Variants in HGF observed in about 807,000 individuals in gnomAD.
The protein encoded by HGF is hepatocyte growth factor.
Under a neutral mutation model 111.6 loss-of-function variants are expected in HGF, and 39 were observed. That is an observed-to-expected ratio of 0.35 (90% CI 0.27 to 0.46). The LOEUF (loss-of-function observed/expected upper bound fraction) is 0.46, where lower values mean the gene tolerates loss of function less well. Ranked by LOEUF, HGF falls within the 20% of genes least tolerant of loss-of-function variation. The pLI is 1.00. For synonymous variants in HGF, 285 were observed against 294.8 expected, an observed-to-expected ratio of 0.97 and a Z score of 0.34; for missense variants, 735 against 910.5, an observed-to-expected ratio of 0.81 and a Z score of 2.48.
At chr7:81,757,338 T>G (rs1484919249) in intron 3 of HGF, 35 bp from the exon 4 acceptor site, 2 of 1,104,408 alleles carry the variant, frequency 1.8e-6, no homozygotes, top group Non-Finnish European at 2.8e-6. Flanking sequence ...ATTGCAACTA[T>G]GCAAAACATA....
At chr7:81,703,618 G>A (rs1789345336) in intron 17 of HGF, among the ~76,000 whole-genome samples, 1 of 150,952 alleles carries the variant, frequency 6.6e-6, no homozygotes, top group East Asian at 1.9e-4. Context: ...AATGCACATA[G>A]TGTTATATGT....
intron 9 of HGF, among the ~76,000 whole-genome samples, chr7:81,722,416 C>T (rs939289964): frequency 1.3e-5 from 2 of 151,676 alleles, no homozygotes; most frequent in African/African-American, 2.4e-5. Context: ...CCGCCCGCCT[C>T]GGACTTCCAA....
chr7:81,732,786 A>C (rs1027602836), intron 7 of HGF, among the ~76,000 whole-genome samples: 1 of 152,200 alleles, frequency 6.6e-6, no homozygotes, highest in East Asian at 1.9e-4. Context: ...AAGGCTAAAC[A>C]TATTCCTAAT....
rs1789250088 is a variant in HGF, at chr7:81,700,395, T to C, written c.*2186A>G. 6.6e-6 allele frequency: 1 copy of C among 151,648 alleles called. No individual in the cohort carries two copies. Among genetic ancestry groups the C allele is most frequent in the Non-Finnish European group, 1.5e-5 (1 of 67,698 alleles). The allele number at this position is 151,648 out of a possible 1,614,324, so 9.4% of individuals were successfully genotyped here. On this transcript the variant is annotated 3_prime_UTR_variant, in exon 18 of 18. Transcript: ENST00000222390. ...TTGATGATTTATTGGTGGTATTGTTTTTAGCCTTTAATAAAATGAAAAATA... is the reference window on the plus strand; with the variant it reads ...TTGATGATTTATTGGTGGTATTGTTCTTAGCCTTTAATAAAATGAAAAATA...
At chr7:81,758,445 A>C (rs1346131622) in intron 3 of HGF, among the ~76,000 whole-genome samples, 3 of 152,012 alleles carry the variant, frequency 2.0e-5, no homozygotes, top group Non-Finnish European at 4.4e-5. Flanking sequence ...AAAAATAAAA[A>C]TAAAAATAAA....
At chr7:81,759,692 G>T (rs966213545) in intron 2 of HGF, among the ~76,000 whole-genome samples, 16 of 152,070 alleles carry the variant, frequency 1.1e-4, no homozygotes, top group Admixed American at 2.0e-4. Flanking sequence ...TTTTAGTAGA[G>T]ACGGGGTTTC....
chr7:81,721,151 G>C (rs1489349431), intron 9 of HGF, among the ~76,000 whole-genome samples: 1 of 152,176 alleles, frequency 6.6e-6, no homozygotes, highest in African/African-American at 2.4e-5. Context: ...AGAGGCTGAA[G>C]CAGGAGAATG....
intron 9 of HGF, among the ~76,000 whole-genome samples, chr7:81,723,837 C>G (rs1198429175): frequency 6.7e-6 from 1 of 150,032 alleles, no homozygotes; most frequent in African/African-American, 2.4e-5. Context: ...TATATATACA[C>G]ATATATATAT....
At chr7:81,706,756 C>T (rs1789437982) in intron 14 of HGF, among the ~76,000 whole-genome samples, 1 of 151,930 alleles carries the variant, frequency 6.6e-6, no homozygotes, top group African/African-American at 2.4e-5. Flanking sequence ...TTGTTTATGT[C>T]AGCTGTGTAT....
At chr7:81,762,007 C>G (rs1447144876) in intron 2 of HGF, among the ~76,000 whole-genome samples, 5 of 152,152 alleles carry the variant, frequency 3.3e-5, no homozygotes, top group African/African-American at 9.7e-5. Flanking sequence ...CTGCAGCTCA[C>G]TCCCGCTGTG....
At chr7:81,746,087 T>G (rs1411935941) in intron 5 of HGF, among the ~76,000 whole-genome samples, 4 of 152,228 alleles carry the variant, frequency 2.6e-5, no homozygotes, top group African/African-American at 4.8e-5. Flanking sequence ...AATGTTTAGT[T>G]TTATCCAACG....
At chr7:81,710,295 A>C (rs748346967) in intron 12 of HGF, 52 bp from the exon 13 acceptor site, 4 of 1,140,686 alleles carry the variant, frequency 3.5e-6, no homozygotes, top group Non-Finnish European at 5.3e-6. Flanking sequence ...TGAAATAATC[A>C]GTGCCTCTTA....
chr7:81,751,254 C>T (rs1423071937), intron 5 of HGF: 1 of 982,570 alleles, frequency 1.0e-6, no homozygotes, highest in Non-Finnish European at 1.2e-6. Flanking sequence ...CTCCAAAATC[C>T]TAACAATTTT....
intron 5 of HGF, among the ~76,000 whole-genome samples, chr7:81,747,179 A>T (rs950608672): frequency 1.3e-5 from 2 of 152,188 alleles, no homozygotes; most frequent in Non-Finnish European, 2.9e-5. Context: ...TCTACTAAAA[A>T]TATAAAAAAA....
At chr7:81,706,488 T>C in intron 14 of HGF, 61 bp from the exon 15 acceptor site, 2 of 1,329,534 alleles carry the variant, frequency 1.5e-6, no homozygotes, top group East Asian at 4.6e-5. Context: ...TGTAGTATTA[T>C]TCCTATCTAT....
intron 4 of HGF, among the ~76,000 whole-genome samples, chr7:81,754,384 A>G (rs1430450380): frequency 6.7e-6 from 1 of 150,250 alleles, no homozygotes; most frequent in Non-Finnish European, 1.5e-5. Context: ...ACACCGAAAT[A>G]CACAAAGTGA....
intron 2 of HGF, among the ~76,000 whole-genome samples, chr7:81,759,475 T>C (rs1788951237): frequency 6.6e-6 from 1 of 152,156 alleles, no homozygotes; most frequent in Non-Finnish European, 1.5e-5. Flanking sequence ...AAGCTAATAT[T>C]TCCTAAACAG....
At chr7:81,741,705 G>A (rs1366165210) in intron 7 of HGF, among the ~76,000 whole-genome samples, 7 of 151,750 alleles carry the variant, frequency 4.6e-5, no homozygotes, top group South Asian at 2.1e-4. Context: ...TTGGGAGGCC[G>A]AGGCAGGCAG....
chr7:81,760,445 T>C (rs1230717396), intron 2 of HGF, among the ~76,000 whole-genome samples: 1 of 152,188 alleles, frequency 6.6e-6, no homozygotes, highest in African/African-American at 2.4e-5. Flanking sequence ...TTAAGAATGT[T>C]CCACCTCACA....
Sources: gnomAD v4.1 joint callset for allele counts (sites outside exome capture counted in the v4.1 genomes callset) on GRCh38, gnomAD v4.1.1 for gene constraint, MANE v1.5 for transcripts, NCBI Gene and HGNC (gene_info 2026-07-23, HGNC 2026-07-21) for gene names.